SYTL3: variants seen among roughly 807,000 people sequenced by gnomAD.
SYTL3 encodes synaptotagmin-like protein 3.
SYTL3 carries 88 observed loss-of-function variants against 82.1 expected under a neutral mutation model. That is an observed-to-expected ratio of 1.07 (90% CI 0.90 to 1.28). SYTL3 has a LOEUF of 1.28. Ranked by LOEUF, SYTL3 falls within the 50% of genes most tolerant of loss-of-function variation. SYTL3 has a pLI of 0.00. For synonymous variants in SYTL3, 311 were observed against 289.4 expected (o/e 1.07, Z -0.76); for missense variants, 831 against 757.6 (o/e 1.10, Z -1.14).
intron 5 of SYTL3, among the ~76,000 whole-genome samples, 157 bp from the exon 6 acceptor site, chr6:158,682,768 G>A (rs901559724): frequency 6.6e-6 from 1 of 152,132 alleles, no homozygotes; most frequent in South Asian, 2.1e-4. Flanking sequence ...CGCCTCTATG[G>A]GGAATCTGTA....
chr6:158,746,456 A>T (rs5016647), intron 12 of SYTL3, among the ~76,000 whole-genome samples: 35,146 of 138,030 alleles, frequency 0.25, 5,006 homozygotes, highest in African/African-American at 0.39. Context: ...AATAATAATA[A>T]TAATATTATT....
chr6:158,689,613 T>G (rs964629005), intron 6 of SYTL3, among the ~76,000 whole-genome samples: 1 of 152,126 alleles, frequency 6.6e-6, no homozygotes, highest in South Asian at 2.1e-4. Flanking sequence ...TGTGATAGGT[T>G]AAATATCCAC....
In SYTL3 at chr6:158,705,850, G is replaced by A. The variant is rs535346370; in HGVS notation, c.395-1380G>A. 1.1e-4 allele frequency among the ~76,000 whole-genome samples: 16 copies of A among 152,232 alleles called. No individual in the cohort carries two copies. The East Asian group carries it at 2.5e-3, about 24-fold the overall frequency. On this transcript the variant is annotated intron_variant, in intron 6 of 17. Transcript: ENST00000611299. ...AGCACCCTGTGGTATATTGCCGCCC[G>A]CAGACTGCTGTGCACCAGCTGTCTC...
rs112857361 is a variant in SYTL3 at position 158,712,982 on chromosome 6, G to A, written c.517-818G>A. Among the ~76,000 whole-genome samples the A allele has an allele frequency of 4.9e-4, 75 of 151,926 alleles. No homozygotes were observed. The East Asian group carries it at 0.013, about 26-fold the overall frequency. On this transcript the variant is annotated intron_variant, in intron 8 of 17. Transcript: ENST00000611299. ...TTCACGTGTTAGCCAGGATGGTCTC[G>A]ATCTCCTGACCTCGTGATCCGCCCG...
chr6:158,752,719 C>T (rs551482967), intron 13 of SYTL3, among the ~76,000 whole-genome samples: 7 of 152,234 alleles, frequency 4.6e-5, no homozygotes, highest in African/African-American at 1.2e-4. Flanking sequence ...GCTACCCTGC[C>T]GGGGCTGGGC....
intron 17 of SYTL3, 51 bp downstream of exon 17, chr6:158,763,560 T>TGG: frequency 6.7e-7 from 1 of 1,503,476 alleles, no homozygotes; most frequent in Non-Finnish European, 9.3e-7. Context: ...ATTATCCTAA[T>TGG]GGGTACCGTG....
chr6:158,692,881 G>A (rs1045558470), intron 6 of SYTL3, among the ~76,000 whole-genome samples: 47 of 152,116 alleles, frequency 3.1e-4, no homozygotes, highest in Admixed American at 1.5e-3. Flanking sequence ...AACCTGGGAG[G>A]TGGAGGTTGC....
intron 11 of SYTL3, among the ~76,000 whole-genome samples, chr6:158,733,904 T>A (rs1378386759): frequency 6.6e-6 from 1 of 151,154 alleles, no homozygotes; most frequent in Non-Finnish European, 1.5e-5. Context: ...AAGACCATCC[T>A]GGCTAACACG....
At chr6:158,756,874 G>A (rs1789179154) in intron 13 of SYTL3, among the ~76,000 whole-genome samples, 2 of 151,626 alleles carry the variant, frequency 1.3e-5, no homozygotes, top group Admixed American at 6.6e-5. Context: ...AGCTGGACAA[G>A]GACTTTCATC....
intron 6 of SYTL3, among the ~76,000 whole-genome samples, chr6:158,692,195 T>C (rs1040642708): frequency 7.8e-6 from 1 of 127,994 alleles, no homozygotes; most frequent in African/African-American, 3.0e-5. Flanking sequence ...GAACTGGAGC[T>C]TGCAGTGAGC....
chr6:158,651,748 A>G lies in SYTL3; in HGVS notation c.-726-5A>G, dbSNP rs2128344039. The G allele has an allele frequency of 6.6e-6, 1 of 151,924 alleles. No individual in the cohort carries two copies. The highest frequency in any genetic ancestry group is 2.1e-4 in the South Asian group (1 of 4,826). The allele number at this position is 151,924 out of a possible 1,614,324, so 9.4% of individuals were successfully genotyped here. A position where few individuals can be genotyped will look rare whatever the true frequency, so the allele number is the denominator to read the frequency against. On this transcript the variant is annotated splice_polypyrimidine_tract_variant and splice_region_variant and intron_variant, in intron 1 of 17. Coordinates refer to ENST00000611299, the MANE Select transcript of SYTL3 (RefSeq NM_001242394.2). ...ATATTTTTTGTTGTTTTTGGGTGGT[A>G]AAAGGCTCCCCGAATGAGAAAGAAT...
chr6:158,674,038 C>T (rs775093110), intron 5 of SYTL3, among the ~76,000 whole-genome samples: 16 of 149,776 alleles, frequency 1.1e-4, no homozygotes, highest in East Asian at 2.0e-4. Flanking sequence ...GAGCCGAGAT[C>T]GCACCACCGC....
intron 5 of SYTL3, among the ~76,000 whole-genome samples, chr6:158,674,264 A>C (rs1364344686): frequency 6.6e-6 from 1 of 152,072 alleles, no homozygotes; most frequent in South Asian, 2.1e-4. Context: ...CTGATGAAAC[A>C]GTTCATTCTG....
At chr6:158,675,762 A>G (rs1356314000) in intron 5 of SYTL3, among the ~76,000 whole-genome samples, 1 of 152,196 alleles carries the variant, frequency 6.6e-6, no homozygotes, top group Non-Finnish European at 1.5e-5. Context: ...CCTGGCTAAC[A>G]TGGTGAAACC....
chr6:158,700,896 A>G (rs144007736), intron 6 of SYTL3, among the ~76,000 whole-genome samples: 4,280 of 152,278 alleles, frequency 0.028, 53 homozygotes, highest in Middle Eastern at 0.078. Flanking sequence ...GATTACAGGC[A>G]TGAGCCACCG....
intron 6 of SYTL3, among the ~76,000 whole-genome samples, chr6:158,701,273 A>G (rs1266364022): frequency 0.011 from 35 of 3,116 alleles, 15 homozygotes; most frequent in South Asian, 0.091. Flanking sequence ...GGTGTAGATG[A>G]AGGAGTGTGA....
At chr6:158,683,875 G>C (rs955900175) in intron 6 of SYTL3, among the ~76,000 whole-genome samples, 4 of 152,216 alleles carry the variant, frequency 2.6e-5, no homozygotes, top group African/African-American at 9.6e-5. Context: ...ATGGGTGGAA[G>C]CATTTTGTCC....
At chr6:158,666,360 A>G (rs1419858206) in intron 5 of SYTL3, among the ~76,000 whole-genome samples, 1 of 152,176 alleles carries the variant, frequency 6.6e-6, no homozygotes, top group Non-Finnish European at 1.5e-5. Context: ...ATAGTTATCA[A>G]TTGGTGTTTA....
chr6:158,669,073 C>T lies in SYTL3; in HGVS notation c.329+3460C>T, dbSNP rs192048809. ...CTTGTTTTCCACTGATGTTTCTTCC[C>T]GGGGAATGTATTGACACTTTCTGCA... is the stretch of plus-strand genomic sequence containing the variant. On this transcript the variant is annotated intron_variant, in intron 5 of 17. Coordinates refer to ENST00000611299, the MANE Select transcript of SYTL3 (RefSeq NM_001242394.2). Among the ~76,000 whole-genome samples, 51 of 152,108 alleles carry T rather than the reference C, an allele frequency of 3.4e-4. No individual in the cohort carries two copies. The East Asian group carries it at 5.4e-3, about 16-fold the overall frequency.
Sources: gnomAD v4.1 joint callset for allele counts (sites outside exome capture counted in the v4.1 genomes callset) on GRCh38, gnomAD v4.1.1 for gene constraint, MANE v1.5 for transcripts, NCBI Gene and HGNC (gene_info 2026-07-23, HGNC 2026-07-21) for gene names.